The following ADGRA3 variants were observed in gnomAD, a reference collection of about 807,000 sequenced individuals.
ADGRA3 encodes adhesion G protein-coupled receptor A3.
Under a neutral mutation model 119.8 loss-of-function variants are expected in ADGRA3, and 56 were observed. The observed-to-expected ratio is 0.47, with a 90% CI of 0.38 to 0.58. ADGRA3 has a LOEUF of 0.58. ADGRA3 is among the 20% of genes least tolerant of loss of function. The pLI is 0.00. For missense variants in ADGRA3, 1,516 were observed against 1,649.0 expected (o/e 0.92, Z 1.40); for synonymous variants, 607 against 623.8 (o/e 0.97, Z 0.40).
At chr4:22,406,039 C>T (rs79251431) in intron 14 of ADGRA3, among the ~76,000 whole-genome samples, 9,221 of 152,180 alleles carry the variant, frequency 0.061, 375 homozygotes, top group Middle Eastern at 0.11. Context: ...TTTTTCAGCT[C>T]CCACATATGA....
intron 12 of ADGRA3, among the ~76,000 whole-genome samples, chr4:22,416,942 A>C (rs996150722): frequency 6.6e-6 from 1 of 152,156 alleles, no homozygotes. Flanking sequence ...TTCCTCCACT[A>C]TGTAGTTAAT....
chr4:22,398,423 A>C (rs911424290), intron 16 of ADGRA3, among the ~76,000 whole-genome samples: 2 of 152,156 alleles, frequency 1.3e-5, no homozygotes, highest in African/African-American at 4.8e-5. Flanking sequence ...TGATAAGTAC[A>C]TAAGAATCTA....
intron 10 of ADGRA3, among the ~76,000 whole-genome samples, chr4:22,434,818 C>A (rs116817223): frequency 0.019 from 2,944 of 152,260 alleles, 37 homozygotes; most frequent in Non-Finnish European, 0.028. Flanking sequence ...GAATTCACTG[C>A]ATTTTTTAAA....
chr4:22,477,207 T>G lies in ADGRA3; in HGVS notation c.258-3364A>C, dbSNP rs866804294. On this transcript the variant is annotated intron_variant, in intron 1 of 18. Transcript: ENST00000334304. ...ATTCAATAAATGTTTATATAGTGAC[T>G]GACGTTAGAAACTTCACAGGCACTA... 2.6e-5 allele frequency among the ~76,000 whole-genome samples: 4 copies of G among 152,282 alleles called. 1 individual carries two copies. In the Middle Eastern group the frequency reaches 0.014, roughly 518 times the overall value.
At chr4:22,490,005 A>G (rs1396354471) in intron 1 of ADGRA3, among the ~76,000 whole-genome samples, 1 of 152,206 alleles carries the variant, frequency 6.6e-6, no homozygotes, top group African/African-American at 2.4e-5. Flanking sequence ...CGGTTCAATA[A>G]ATAAGATTCA....
chr4:22,436,032 G>C (rs1434937780), intron 9 of ADGRA3, among the ~76,000 whole-genome samples: 2 of 152,056 alleles, frequency 1.3e-5, no homozygotes, highest in African/African-American at 4.8e-5. Context: ...TTATAGTCTG[G>C]TAAGTTTTAA....
intron 13 of ADGRA3, 36 bp from the exon 14 acceptor site, chr4:22,413,426 A>C: frequency 6.4e-7 from 1 of 1,562,028 alleles, no homozygotes; most frequent in Non-Finnish European, 8.8e-7. Context: ...TTTCTGAAAC[A>C]AACTTCATAA....
chr4:22,407,797 C>CA (rs1392647563), intron 14 of ADGRA3, among the ~76,000 whole-genome samples: 1 of 152,128 alleles, frequency 6.6e-6, no homozygotes, highest in African/African-American at 2.4e-5. Context: ...CATATATTTA[C>CA]AAGTGTTACT....
At chr4:22,418,005 T>C (rs952688329) in intron 12 of ADGRA3, among the ~76,000 whole-genome samples, 40 of 152,216 alleles carry the variant, frequency 2.6e-4, no homozygotes, top group African/African-American at 9.6e-4. Flanking sequence ...TTGGCTACAT[T>C]ACACCTGAAC....
intron 12 of ADGRA3, among the ~76,000 whole-genome samples, chr4:22,416,077 T>C (rs1366572639): frequency 6.6e-6 from 1 of 152,200 alleles, no homozygotes; most frequent in African/African-American, 2.4e-5. Flanking sequence ...GGAATACTTG[T>C]GTATTTAATT....
At chr4:22,421,224 T>C in intron 11 of ADGRA3, 135 bp from the exon 12 acceptor site, 1 of 575,794 alleles carries the variant, frequency 1.7e-6, no homozygotes. Context: ...ACAAAATCAC[T>C]GTGTAGATAA....
rs551019617 is a variant in ADGRA3, at chr4:22,387,407, A to G, written c.*298T>C. ...ATAACAAACACCTATTTATTATATT[A>G]AATACAAGCCTGAAATATTAAGTAC... On this transcript the variant is annotated 3_prime_UTR_variant, in exon 19 of 19. Transcript: ENST00000334304. The G allele has an allele frequency of 7.3e-6, 2 of 275,480 alleles. No individual in the cohort carries two copies. The highest frequency in any genetic ancestry group is 1.4e-5 in the Non-Finnish European group (2 of 147,592). 17.1% of individuals were successfully genotyped at this position (275,480 alleles called of 1,614,324 possible).
chr4:22,416,871 GGA>G (rs1715451629), intron 12 of ADGRA3, among the ~76,000 whole-genome samples: 1 of 152,026 alleles, frequency 6.6e-6, no homozygotes, highest in African/African-American at 2.4e-5. Context: ...TAAGCATAAT[GGA>G]GGTTAATTCC....
At chr4:22,511,895 C>CT (rs5856700) in intron 1 of ADGRA3, among the ~76,000 whole-genome samples, 8,423 of 102,022 alleles carry the variant, frequency 0.083, 925 homozygotes, top group African/African-American at 0.19. Flanking sequence ...TTCTTTCTTT[C>CT]TTTTTTTTTT....
intron 1 of ADGRA3, among the ~76,000 whole-genome samples, chr4:22,486,336 G>A (rs1718432210): frequency 6.6e-6 from 1 of 152,134 alleles, no homozygotes; most frequent in African/African-American, 2.4e-5. Flanking sequence ...TCTTTTACAT[G>A]TCCTCTCTGG....
intron 2 of ADGRA3, among the ~76,000 whole-genome samples, chr4:22,466,342 T>C (rs1041338127): frequency 1.3e-5 from 2 of 152,118 alleles, no homozygotes; most frequent in Non-Finnish European, 2.9e-5. Context: ...CCTGAACGCA[T>C]CTCAATCTCC....
At chr4:22,447,850 G>A (rs1243058216) in intron 4 of ADGRA3, among the ~76,000 whole-genome samples, 1 of 152,024 alleles carries the variant, frequency 6.6e-6, no homozygotes, top group Non-Finnish European at 1.5e-5. Flanking sequence ...ATTTAAGAAA[G>A]CAGCAAATAA....
At position 22,388,804 on chromosome 4, in the gene ADGRA3, G is replaced by A. The variant is rs989956146; in HGVS notation, c.2867C>T (p.Thr956Met). 8.7e-6 allele frequency: 14 copies of A among 1,613,968 alleles called. No individual in the cohort carries two copies. The highest frequency in any genetic ancestry group is 5.0e-5 in the Admixed American group (3 of 59,988). Reference protein sequence around the residue: ...PERKYELKEPTEEQQRLAANE... With the variant: ...PERKYELKEPMEEQQRLAANE... ...GGCTGCCAATCTCTGTTGCTCCTCC[G>A]TGGGCTCCTTAAGCTCATATTTGCG... Residue 956 changes from threonine to methionine, a missense_variant, in exon 19 of 19, where the codon ACG (threonine) becomes ATG (methionine). Transcript: ENST00000334304.
chr4:22,443,754 G>T (rs535852824), intron 6 of ADGRA3, among the ~76,000 whole-genome samples: 1 of 152,174 alleles, frequency 6.6e-6, no homozygotes, highest in African/African-American at 2.4e-5. Context: ...ATAGAAAAAA[G>T]TCGTAGAAGA....
Sources: gnomAD v4.1 joint callset for allele counts (sites outside exome capture counted in the v4.1 genomes callset) on GRCh38, gnomAD v4.1.1 for gene constraint, MANE v1.5 for transcripts, NCBI Gene and HGNC (gene_info 2026-07-23, HGNC 2026-07-21) for gene names.